COL22A1: variants seen among roughly 807,000 people sequenced by gnomAD.
COL22A1 encodes the protein collagen type XXII alpha 1 chain, also known as collagen alpha-1(XXII) chain.
Under a neutral mutation model 248.9 loss-of-function variants are expected in COL22A1, and 221 were observed. The observed-to-expected ratio is 0.89, with a 90% CI of 0.80 to 0.99. The LOEUF (loss-of-function observed/expected upper bound fraction) is 0.99. Ranked by LOEUF, COL22A1 falls within the 50% of genes least tolerant of loss-of-function variation. The pLI is 0.00. For missense variants in COL22A1, 2,240 were observed against 2,179.0 expected, an observed-to-expected ratio of 1.03 and a Z score of -0.56; for synonymous variants, 891 against 793.4, an observed-to-expected ratio of 1.12 and a Z score of -2.07.
chr8:138,892,904 G>C (rs1825162203), intron 1 of COL22A1, among the ~76,000 whole-genome samples: 1 of 152,234 alleles, frequency 6.6e-6, no homozygotes, highest in Non-Finnish European at 1.5e-5. Flanking sequence ...TGTGTTGCTG[G>C]GGTGATGGGC....
intron 2 of COL22A1, among the ~76,000 whole-genome samples, chr8:138,879,690 C>CAAAAAAAAAAAAAAAAAAA (rs372214665): frequency 1.0e-5 from 1 of 99,042 alleles, no homozygotes; most frequent in Non-Finnish European, 1.8e-5. Flanking sequence ...GACACTCTCT[C>CAAAAAAAAAAAAAAAAAAA]AAAAAAAAAA....
intron 16 of COL22A1, among the ~76,000 whole-genome samples, chr8:138,775,367 A>G (rs16909594): frequency 0.04 from 6,082 of 152,276 alleles, 257 homozygotes; most frequent in African/African-American, 0.1. Flanking sequence ...GGCGGAATCC[A>G]ATCGGAGAAC....
chr8:138,879,517 C>T (rs1824011230), intron 2 of COL22A1, among the ~76,000 whole-genome samples: 2 of 151,878 alleles, frequency 1.3e-5, no homozygotes, highest in Admixed American at 1.3e-4. Flanking sequence ...TATGGCAAAA[C>T]CCCGTCTGTA....
At chr8:138,709,403 G>T (rs554217181) in intron 30 of COL22A1, among the ~76,000 whole-genome samples, 2 of 152,194 alleles carry the variant, frequency 1.3e-5, no homozygotes, top group Admixed American at 6.5e-5. Context: ...GTCCATCAAT[G>T]ATAGACTGGA....
intron 61 of COL22A1, among the ~76,000 whole-genome samples, chr8:138,597,507 C>T (rs1182975354): frequency 1.3e-5 from 2 of 152,152 alleles, no homozygotes; most frequent in Admixed American, 6.5e-5. Context: ...GTGCTTGGTC[C>T]ACAGAAGCTG....
chr8:138,729,166 A>T (rs1830531176), intron 23 of COL22A1, among the ~76,000 whole-genome samples: 1 of 152,126 alleles, frequency 6.6e-6, no homozygotes, highest in Non-Finnish European at 1.5e-5. Flanking sequence ...CTGATATTAG[A>T]TAAAGCTCAT....
At chr8:138,738,713 T>G (rs1402192388) in intron 22 of COL22A1, among the ~76,000 whole-genome samples, 1 of 152,202 alleles carries the variant, frequency 6.6e-6, no homozygotes, top group Non-Finnish European at 1.5e-5. Flanking sequence ...TTGAAGCCTG[T>G]ACCAATATTG....
chr8:138,589,913 C>A (rs1384371312), intron 64 of COL22A1, among the ~76,000 whole-genome samples: 1 of 151,946 alleles, frequency 6.6e-6, no homozygotes, highest in Non-Finnish European at 1.5e-5. Context: ...TGTTCCAAAT[C>A]TGTATTTTCT....
At position 138,589,259 on chromosome 8, in the gene COL22A1, A is replaced by T; in HGVS notation, c.4875T>A (p.Gly1625=). The T allele has an allele frequency of 6.2e-7, 1 of 1,613,362 alleles. No individual in the cohort carries two copies. Among genetic ancestry groups the T allele is most frequent in the East Asian group, 2.2e-5 (1 of 44,796 alleles). ...TCTGGCTTTCCAGAGTCCTTTAGGG[A>T]CCCTTCACATTACCCGGCCGGGCAG... The part of the protein sequence containing the change: ...SLAARPGNVK[G]P The change falls in exon 65 of 65, where the codon GGT becomes GGA. Residue 1625 remains glycine (G), a synonymous_variant. Transcript: ENST00000303045.
chr8:138,758,397 A>G (rs1168453083), intron 18 of COL22A1, among the ~76,000 whole-genome samples: 1 of 152,212 alleles, frequency 6.6e-6, no homozygotes, highest in African/African-American at 2.4e-5. Context: ...AGGATGATTT[A>G]TTATACAGCG....
At chr8:138,665,585 T>C (rs1253854654) in intron 41 of COL22A1, among the ~76,000 whole-genome samples, 1 of 152,230 alleles carries the variant, frequency 6.6e-6, no homozygotes, top group East Asian at 1.9e-4. Context: ...AGTCAACTTC[T>C]GGGCACCCAG....
At chr8:138,890,866 A>G (rs901177846) in intron 1 of COL22A1, among the ~76,000 whole-genome samples, 1 of 151,990 alleles carries the variant, frequency 6.6e-6, no homozygotes, top group African/African-American at 2.4e-5. Context: ...ACAAAGAAAA[A>G]AAAAAAACTA....
rs889321888 is a variant in COL22A1 at position 138,685,136 on chromosome 8, AT to A, written c.2967+71del. 7 of 1,099,994 alleles carry A rather than the reference AT, an allele frequency of 6.4e-6. No homozygotes were observed. The South Asian group carries it at 6.6e-5, about 10-fold the overall frequency. 68.1% of individuals were successfully genotyped at this position (1,099,994 alleles called of 1,614,324 possible). A position where few individuals can be genotyped will look rare whatever the true frequency, so the allele number is the denominator to read the frequency against. ...AATTTCTGCAAAGTTTGGCAGTTAG[AT>A]TTTTTTCCTTTTCCTTCTCTAATTT... On this transcript the variant is annotated intron_variant, in intron 38 of 64. Transcript: ENST00000303045.
chr8:138,776,081 C>T (rs750432485), intron 15 of COL22A1, 71 bp from the exon 16 acceptor site: 2 of 1,492,372 alleles, frequency 1.3e-6, no homozygotes, highest in Non-Finnish European at 1.9e-6. Flanking sequence ...TGGGGGTGTC[C>T]ATGGAGAAAC....
intron 3 of COL22A1, among the ~76,000 whole-genome samples, chr8:138,870,929 G>T (rs543549499): frequency 1.3e-5 from 2 of 151,800 alleles, no homozygotes; most frequent in African/African-American, 4.8e-5. Context: ...CACGGTGTTT[G>T]TGTGTGTGGG....
intron 25 of COL22A1, among the ~76,000 whole-genome samples, 183 bp downstream of exon 25, chr8:138,724,432 A>T (rs145124619): frequency 6.6e-6 from 1 of 152,280 alleles, no homozygotes; most frequent in East Asian, 1.9e-4. Context: ...CAGACAGGGC[A>T]CTAGCACGAG....
intron 57 of COL22A1, 82 bp downstream of exon 57, chr8:138,607,854 G>C: frequency 7.4e-7 from 1 of 1,349,098 alleles, no homozygotes; most frequent in Non-Finnish European, 1.1e-6. Flanking sequence ...TAGGGACAGA[G>C]GCTGGACAAT....
intron 4 of COL22A1, among the ~76,000 whole-genome samples, chr8:138,836,403 T>C (rs1310213070): frequency 6.6e-6 from 1 of 152,216 alleles, no homozygotes. Flanking sequence ...TGGCAATACA[T>C]TCTGACTCTA....
At chr8:138,728,121 T>C (rs555789672) in intron 23 of COL22A1, among the ~76,000 whole-genome samples, 1 of 152,206 alleles carries the variant, frequency 6.6e-6, no homozygotes, top group South Asian at 2.1e-4. Context: ...CAGCCTCCAA[T>C]TCCTTGGCTC....
Sources: gnomAD v4.1 joint callset for allele counts (sites outside exome capture counted in the v4.1 genomes callset) on GRCh38, gnomAD v4.1.1 for gene constraint, MANE v1.5 for transcripts, NCBI Gene and HGNC (gene_info 2026-07-23, HGNC 2026-07-21) for gene names.